The following SLC25A48 variants were observed in gnomAD, a reference collection of about 807,000 sequenced individuals.
SLC25A48 encodes CTC-321K16.1.
A neutral mutation model predicts 32.2 loss-of-function variants in SLC25A48; 29 were observed. The observed-to-expected ratio is 0.90, with a 90% CI of 0.67 to 1.23. The LOEUF is 1.23. SLC25A48 is among the 50% of genes most tolerant of loss of function. The probability of loss-of-function intolerance (pLI) is 0.00; values close to 1 mark genes in which losing one functional copy is unlikely to be tolerated. For missense variants in SLC25A48, 399 were observed against 422.7 expected (o/e 0.94, Z 0.49); for synonymous variants, 164 against 172.3 (o/e 0.95, Z 0.38).
At chr5:135,726,550 T>A (rs548332656) in intron 3 of SLC25A48, among the ~76,000 whole-genome samples, 2 of 152,342 alleles carry the variant, frequency 1.3e-5, no homozygotes. Context: ...GAATGTTGCA[T>A]AAATGGAATC....
intron 4 of SLC25A48, chr5:135,824,917 C>G (rs9327729): frequency 0.015 from 2,245 of 152,404 alleles, 57 homozygotes; most frequent in African/African-American, 0.05. Flanking sequence ...GGCCCCTGGA[C>G]AGGCCCCTCT....
At chr5:135,765,113 A>G (rs1756173379) in intron 3 of SLC25A48, among the ~76,000 whole-genome samples, 1 of 150,850 alleles carries the variant, frequency 6.6e-6, no homozygotes, top group African/African-American at 2.4e-5. Flanking sequence ...AGGGGCATAC[A>G]CCCCTTTGTG....
chr5:135,663,052 A>C (rs17168814), intron 3 of SLC25A48, among the ~76,000 whole-genome samples: 7,521 of 152,246 alleles, frequency 0.049, 286 homozygotes, highest in East Asian at 0.2. Flanking sequence ...TGAATTAGTC[A>C]GTCACTCAAG....
intron 3 of SLC25A48, among the ~76,000 whole-genome samples, chr5:135,759,072 A>G (rs911469595): frequency 6.6e-6 from 1 of 151,978 alleles, no homozygotes; most frequent in African/African-American, 2.4e-5. Flanking sequence ...TATGCTATGA[A>G]TAATATCTAG....
chr5:135,871,060 GACAC>G (rs10569008), intron 4 of SLC25A48, among the ~76,000 whole-genome samples: 29,029 of 137,056 alleles, frequency 0.21, 3,092 homozygotes, highest in Non-Finnish European at 0.27. Flanking sequence ...TGTGTACACA[GACAC>G]ACACACACAC....
intron 3 of SLC25A48, among the ~76,000 whole-genome samples, chr5:135,770,353 G>A (rs1249878736): frequency 6.6e-6 from 1 of 150,912 alleles, no homozygotes; most frequent in Non-Finnish European, 1.5e-5. Flanking sequence ...CGCAGAGGTA[G>A]TACATTCCCC....
At chr5:135,590,174 C>T (rs1343370676) in intron 1 of SLC25A48, among the ~76,000 whole-genome samples, 2 of 152,194 alleles carry the variant, frequency 1.3e-5, no homozygotes, top group African/African-American at 4.8e-5. Flanking sequence ...CAAGATAAAA[C>T]CCTTTTAAGG....
chr5:135,619,756 G>A (rs1465199366), intron 1 of SLC25A48, among the ~76,000 whole-genome samples: 1 of 152,100 alleles, frequency 6.6e-6, no homozygotes, highest in Non-Finnish European at 1.5e-5. Context: ...TTTATTAGCT[G>A]TAAACAGTGT....
At chr5:135,856,604 A>C (rs952967185) in intron 4 of SLC25A48, among the ~76,000 whole-genome samples, 1 of 152,240 alleles carries the variant, frequency 6.6e-6, no homozygotes. Flanking sequence ...GCTCATGGCC[A>C]CTGCAGCACG....
intron 1 of SLC25A48, among the ~76,000 whole-genome samples, chr5:135,841,735 T>C (rs979749240): frequency 6.6e-6 from 1 of 151,920 alleles, no homozygotes; most frequent in African/African-American, 2.4e-5. Context: ...AGGTGGAAGA[T>C]AAGGATTACT....
chr5:135,630,203 G>GT (rs1752524130), intron 2 of SLC25A48, among the ~76,000 whole-genome samples: 1 of 152,288 alleles, frequency 6.6e-6, no homozygotes, highest in Admixed American at 6.5e-5. Context: ...GGACTGGAGG[G>GT]TACCCCTGGG....
At chr5:135,615,641 G>C (rs143818480) in intron 1 of SLC25A48, among the ~76,000 whole-genome samples, 2 of 152,208 alleles carry the variant, frequency 1.3e-5, no homozygotes, top group African/African-American at 2.4e-5. Flanking sequence ...CAGCCCGGCC[G>C]TATGGTAGAG....
chr5:135,873,672 A>G (rs2126811500), intron 5 of SLC25A48, among the ~76,000 whole-genome samples: 1 of 152,252 alleles, frequency 6.6e-6, no homozygotes, highest in Admixed American at 6.5e-5. Context: ...TCTCCAATAA[A>G]AACTGCTAAT....
At chr5:135,850,584 G>GATGAGAGGCCCCCACCTGCA in intron 3 of SLC25A48, 88 bp downstream of exon 3, 1 of 1,260,228 alleles carries the variant, frequency 7.9e-7, no homozygotes, top group Non-Finnish European at 1.1e-6. Flanking sequence ...CAGCATGCAG[G>GATGAGAGGCCCCCACCTGCA]TGGGGGCCTC....
At chr5:135,608,022 G>A (rs1031280916) in intron 1 of SLC25A48, among the ~76,000 whole-genome samples, 1 of 92,614 alleles carries the variant, frequency 1.1e-5, no homozygotes, top group Admixed American at 1.4e-4. Context: ...GTGAACATGT[G>A]TGTGAATTTT....
intron 3 of SLC25A48, among the ~76,000 whole-genome samples, chr5:135,728,711 T>G (rs574914822): frequency 6.6e-6 from 1 of 152,322 alleles, no homozygotes; most frequent in South Asian, 2.1e-4. Flanking sequence ...GTTTTTCTGA[T>G]GTCAGATGAA....
chr5:135,586,902 GT>G (rs1164797154), intron 1 of SLC25A48, among the ~76,000 whole-genome samples: 1 of 152,208 alleles, frequency 6.6e-6, no homozygotes, highest in African/African-American at 2.4e-5. Context: ...GTGTGATTCG[GT>G]TTTGCCTTAT....
chr5:135,715,004 C>T lies in SLC25A48; in HGVS notation c.-521+80048C>T, dbSNP rs138362246. 2.4e-3 allele frequency among the ~76,000 whole-genome samples: 362 copies of T among 152,222 alleles called. 2 individuals are homozygous for T. The highest frequency in any genetic ancestry group is 8.4e-3 in the African/African-American group (350 of 41,550). On this transcript the variant is annotated intron_variant, in intron 3 of 10. Transcript: ENST00000646290. Reference sequence around the variant, plus strand: ...TTCACCCTGTAACAAAGGGGAGTCTCTGGAGGGGAGGAAAGAATCTGCCCC... The same window carrying T: ...TTCACCCTGTAACAAAGGGGAGTCTTTGGAGGGGAGGAAAGAATCTGCCCC...
chr5:135,812,671 C>G (rs1395447908), exon 4 of SLC25A48: 1 of 152,314 alleles, frequency 6.6e-6, no homozygotes. Flanking sequence ...CATCCAGTTC[C>G]AACCCCTTTG....
Sources: gnomAD v4.1 joint callset for allele counts (sites outside exome capture counted in the v4.1 genomes callset) on GRCh38, gnomAD v4.1.1 for gene constraint, MANE v1.5 for transcripts, NCBI Gene and HGNC (gene_info 2026-07-23, HGNC 2026-07-21) for gene names.